Variants in SENP2 observed in about 807,000 individuals in gnomAD.
SENP2 encodes the protein SUMO specific peptidase 2, also known as sentrin-specific protease 2.
SENP2 carries 16 observed loss-of-function variants against 86.3 expected under a neutral mutation model. The observed-to-expected ratio is 0.19, with a 90% CI of 0.13 to 0.28. The LOEUF (loss-of-function observed/expected upper bound fraction) is 0.28, where lower values mean the gene tolerates loss of function less well. Among genes scored for constraint, SENP2 ranks in the 10% least tolerant of loss-of-function variants. The pLI is 1.00. For synonymous variants in SENP2, 222 were observed against 238.7 expected (o/e 0.93, Z 0.64); for missense variants, 552 against 703.0 (o/e 0.79, Z 2.43).
In SENP2 at chr3:185,606,394, C is replaced by G. The variant is rs761727630; in HGVS notation, c.514C>G (p.Pro172Ala). 1.9e-6 allele frequency: 3 copies of G among 1,613,520 alleles called. No homozygotes were observed. Among genetic ancestry groups the G allele is most frequent in the Non-Finnish European group, 2.5e-6 (3 of 1,179,858 alleles). The change falls in exon 6 of 17, where the codon CCA becomes GCA. Residue 172 changes from proline (P) to alanine (A), a missense_variant. Physicochemically the swap from Pro to Ala is conservative, Grantham distance 27. Coordinates refer to ENST00000296257, the MANE Select transcript of SENP2 (RefSeq NM_021627.3). ...PGGRRHSKGN[P>A]ESSLMWKPQE... ...TGGCCGTCGCCATAGCAAAGGTAAT[C>G]CAGAGAGTTCTTTAATGTGGAAACC...
chr3:185,615,989 C>T (rs957850132), intron 11 of SENP2, among the ~76,000 whole-genome samples: 7 of 151,504 alleles, frequency 4.6e-5, no homozygotes, highest in African/African-American at 1.5e-4. Flanking sequence ...CAGCCTCCTG[C>T]GTAGCTGGGA....
intron 13 of SENP2, among the ~76,000 whole-genome samples, chr3:185,620,054 T>C (rs1190560397): frequency 6.9e-6 from 1 of 144,694 alleles, no homozygotes; most frequent in African/African-American, 2.6e-5. Context: ...TTTCTTTTTC[T>C]TTTTTTTTTT....
chr3:185,611,375 CTG>C (rs990530974), intron 7 of SENP2, among the ~76,000 whole-genome samples: 2 of 152,214 alleles, frequency 1.3e-5, no homozygotes, highest in Non-Finnish European at 2.9e-5. Context: ...TTTTATCACA[CTG>C]AGATTTTTCA....
At chr3:185,610,731 A>G (rs1399302943) in intron 7 of SENP2, among the ~76,000 whole-genome samples, 2 of 141,420 alleles carry the variant, frequency 1.4e-5, no homozygotes. Flanking sequence ...GCCGAGGTGG[A>G]CGGATCACGA....
chr3:185,617,761 G>T, intron 12 of SENP2, 150 bp downstream of exon 12: 1 of 672,524 alleles, frequency 1.5e-6, no homozygotes, highest in Non-Finnish European at 2.4e-6. Context: ...TAAAAAGATG[G>T]TTAGTTCTGA....
Position 185,586,377 on chromosome 3 carries a change from CG to C in SENP2, c.-33del. ...GGCGACAGCTCTGGGGTTTGCGTCTCGGGGTGTGTCGGCCGCCGCTGCTGCT... is the reference window on the plus strand; with the variant it reads ...GGCGACAGCTCTGGGGTTTGCGTCTCGGGTGTGTCGGCCGCCGCTGCTGCT... On this transcript the variant is annotated 5_prime_UTR_variant, in exon 1 of 17. Transcript: ENST00000296257. The surrounding 1 kb of genome is among the most constrained non-coding windows in gnomAD (Gnocchi z 4.3). 6.2e-7 allele frequency: 1 copy of C among 1,612,448 alleles called. No homozygotes were observed. The highest frequency in any genetic ancestry group is 8.5e-7 in the Non-Finnish European group (1 of 1,179,504).
At chr3:185,613,861 T>C (rs1008209613) in intron 10 of SENP2, among the ~76,000 whole-genome samples, 1 of 150,748 alleles carries the variant, frequency 6.6e-6, no homozygotes, top group Non-Finnish European at 1.5e-5. Flanking sequence ...CAGGAAGCAT[T>C]GAAAATACAC....
chr3:185,592,007 A>ATTTTT (rs1261238822), intron 2 of SENP2, among the ~76,000 whole-genome samples: 5 of 35,108 alleles, frequency 1.4e-4, no homozygotes, highest in Non-Finnish European at 2.3e-4. Context: ...AACCGGTAAT[A>ATTTTT]TTTCTTTTTT....
chr3:185,607,752 G>A (rs566582008), intron 6 of SENP2, among the ~76,000 whole-genome samples: 2 of 151,832 alleles, frequency 1.3e-5, no homozygotes, highest in South Asian at 2.1e-4. Context: ...TTTCAAACTC[G>A]TGGGCTCAAG....
intron 5 of SENP2, 21 bp from the exon 6 acceptor site, chr3:185,606,309 C>CTTTTTTTTT: frequency 6.5e-7 from 1 of 1,541,860 alleles, no homozygotes; most frequent in Non-Finnish European, 8.8e-7. Flanking sequence ...TACTTTTTTT[C>CTTTTTTTTT]TTTTTTTTTC....
chr3:185,623,102 C>T (rs1711966504), intron 14 of SENP2, among the ~76,000 whole-genome samples: 1 of 151,814 alleles, frequency 6.6e-6, no homozygotes, highest in South Asian at 2.1e-4. Flanking sequence ...CAGGCGTGAG[C>T]CACCGTGCCC....
rs1177685074 is a variant in SENP2 at position 185,612,590 on chromosome 3, C to G, written c.818-17C>G. On this transcript the variant is annotated splice_polypyrimidine_tract_variant and intron_variant, in intron 8 of 16. Transcript: ENST00000296257. ...CGATGAAGGAAACATTTAATCTTTT[C>G]TTTACCATCCTCACAGATAGACTTG... is the stretch of plus-strand genomic sequence containing the variant. The G allele has an allele frequency of 6.3e-7, 1 of 1,587,220 alleles. No homozygotes were observed. Among genetic ancestry groups the G allele is most frequent in the South Asian group, 1.1e-5 (1 of 90,032 alleles).
At chr3:185,621,703 A>G (rs1711897035) in intron 13 of SENP2, 123 bp from the exon 14 acceptor site, 1 of 570,878 alleles carries the variant, frequency 1.8e-6, no homozygotes, top group Non-Finnish European at 3.0e-6. Context: ...ATGGATTTCT[A>G]AGATACATAA....
chr3:185,617,683 C>T, intron 12 of SENP2, 72 bp downstream of exon 12: 1 of 1,356,198 alleles, frequency 7.4e-7, no homozygotes, highest in Non-Finnish European at 1.0e-6. Context: ...CAAAGTGACT[C>T]CTACCCAGTT....
intron 1 of SENP2, among the ~76,000 whole-genome samples, chr3:185,587,570 A>T (rs1009509921): frequency 2.5e-4 from 30 of 118,836 alleles, no homozygotes; most frequent in Middle Eastern, 5.3e-3. Context: ...TCAAGTGTTA[A>T]TTTTTTTTTT....
intron 2 of SENP2, among the ~76,000 whole-genome samples, chr3:185,592,142 G>A (rs1053636601): frequency 6.0e-5 from 9 of 149,114 alleles, no homozygotes; most frequent in East Asian, 2.0e-4. Context: ...GCAGTGGCAC[G>A]ATCGTAGCTC....
intron 2 of SENP2, 100 bp downstream of exon 2, chr3:185,590,269 T>C: frequency 1.7e-6 from 1 of 579,536 alleles, no homozygotes; most frequent in Non-Finnish European, 2.8e-6. Context: ...AAAAAGTAAG[T>C]CTTGGCCGGG....
At chr3:185,602,832 TAAAAAAAAAAA>T (rs1156317272) in intron 5 of SENP2, among the ~76,000 whole-genome samples, 2 of 63,042 alleles carry the variant, frequency 3.2e-5, no homozygotes, top group Non-Finnish European at 5.7e-5. Flanking sequence ...GACTCTGTCT[TAAAAAAAAAAA>T]AAAAAAAAAA....
chr3:185,615,503 C>T (rs1276212760), intron 11 of SENP2, among the ~76,000 whole-genome samples: 1 of 152,098 alleles, frequency 6.6e-6, no homozygotes, highest in Non-Finnish European at 1.5e-5. Context: ...GCCACCATGC[C>T]CAGCTAATTT....
Sources: allele counts gnomAD v4.1 joint callset (sites outside exome capture counted in the v4.1 genomes callset), GRCh38; gene constraint gnomAD v4.1.1; non-coding constraint Gnocchi (gnomAD v3.1); transcripts MANE v1.5; gene names NCBI Gene and HGNC (gene_info 2026-07-23, HGNC 2026-07-21).